Variants in VTI1A observed in about 807,000 individuals in gnomAD.
VTI1A encodes the protein vesicle transport through interaction with t-SNAREs homolog 1A.
VTI1A carries 22 observed loss-of-function variants against 34.9 expected under a neutral mutation model. That is an observed-to-expected ratio of 0.63 (90% confidence interval 0.45 to 0.90). The LOEUF is 0.90. VTI1A is among the 40% of genes least tolerant of loss of function. VTI1A has a pLI of 0.00. For synonymous variants in VTI1A, 87 were observed against 97.3 expected (o/e 0.89, Z 0.62); for missense variants, 268 against 275.6 (o/e 0.97, Z 0.20).
intron 7 of VTI1A, among the ~76,000 whole-genome samples, chr10:112,775,840 A>AAT (rs1220742224): frequency 6.6e-6 from 1 of 152,212 alleles, no homozygotes; most frequent in Non-Finnish European, 1.5e-5. Context: ...GGGTTTTAAA[A>AAT]ATATATCACC....
intron 5 of VTI1A, among the ~76,000 whole-genome samples, chr10:112,608,630 C>T (rs1049519243): frequency 4.6e-5 from 7 of 152,002 alleles, no homozygotes; most frequent in Admixed American, 3.3e-4. Context: ...TTTTTATATT[C>T]GGAAAGATAA....
intron 3 of VTI1A, among the ~76,000 whole-genome samples, chr10:112,486,910 T>A (rs1330226073): frequency 6.6e-6 from 1 of 152,000 alleles, no homozygotes; most frequent in African/African-American, 2.4e-5. Context: ...GATTTTTGAT[T>A]TTGCCACATT....
intron 5 of VTI1A, among the ~76,000 whole-genome samples, chr10:112,592,844 C>T (rs779824497): frequency 5.9e-5 from 9 of 152,162 alleles, no homozygotes; most frequent in African/African-American, 1.7e-4. Flanking sequence ...AGGTGTTAAC[C>T]GAGTGAATCC....
intron 5 of VTI1A, among the ~76,000 whole-genome samples, chr10:112,594,280 C>T (rs1166240947): frequency 6.6e-6 from 1 of 152,096 alleles, no homozygotes; most frequent in Non-Finnish European, 1.5e-5. Flanking sequence ...GAGCTCATAA[C>T]CCCGGAAGTT....
chr10:112,550,916 T>G (rs558471308), intron 5 of VTI1A, among the ~76,000 whole-genome samples: 1 of 152,252 alleles, frequency 6.6e-6, no homozygotes, highest in Non-Finnish European at 1.5e-5. Flanking sequence ...AAGGTCCTGG[T>G]CTACATGAAA....
intron 4 of VTI1A, among the ~76,000 whole-genome samples, chr10:112,534,380 A>G (rs981278008): frequency 1.3e-5 from 2 of 152,122 alleles, no homozygotes; most frequent in Admixed American, 6.5e-5. Context: ...TTATTTTTCT[A>G]TTAAGACATA....
intron 7 of VTI1A, among the ~76,000 whole-genome samples, chr10:112,697,902 G>GTGTGTA (rs1564888733): frequency 1.4e-5 from 2 of 147,948 alleles, no homozygotes; most frequent in Non-Finnish European, 1.5e-5. Flanking sequence ...GTGTGTGTGT[G>GTGTGTA]TGTGTATTCT....
chr10:112,654,068 G>A (rs1847136068), intron 5 of VTI1A, among the ~76,000 whole-genome samples: 1 of 152,104 alleles, frequency 6.6e-6, no homozygotes, highest in African/African-American at 2.4e-5. Flanking sequence ...AGAAACTCCC[G>A]ATGTCATAGT....
At chr10:112,591,307 T>C (rs1206921261) in intron 5 of VTI1A, among the ~76,000 whole-genome samples, 1 of 152,082 alleles carries the variant, frequency 6.6e-6, no homozygotes, top group Non-Finnish European at 1.5e-5. Flanking sequence ...GATCATGAGG[T>C]CAGGAGATCA....
chr10:112,727,733 C>G (rs1365111521), intron 7 of VTI1A, among the ~76,000 whole-genome samples: 1 of 152,000 alleles, frequency 6.6e-6, no homozygotes, highest in Non-Finnish European at 1.5e-5. Context: ...ATATAATTTA[C>G]TTAATTGACA....
chr10:112,793,412 G>A (rs774955768), intron 7 of VTI1A, among the ~76,000 whole-genome samples: 10 of 152,132 alleles, frequency 6.6e-5, no homozygotes, highest in Non-Finnish European at 7.3e-5. Context: ...GTAAATTCCC[G>A]TTCTCCTGCA....
rs1853510832 is a variant in VTI1A, at chr10:112,815,991, T to C, written c.*608T>C. 3 of 226,584 alleles carry C rather than the reference T, an allele frequency of 1.3e-5. No homozygotes were observed. The highest frequency in any genetic ancestry group is 2.6e-5 in the Non-Finnish European group (3 of 113,974). The allele number at this position is 226,584 out of a possible 1,614,324, so 14.0% of individuals were successfully genotyped here. On this transcript the variant is annotated 3_prime_UTR_variant, in exon 8 of 8. Coordinates refer to ENST00000393077, the MANE Select transcript of VTI1A (RefSeq NM_145206.4). The stretch of plus-strand genomic sequence containing the variant: ...CCTGTTTTTCTATTGCATAATTTTT[T>C]TTTTAACCCAAAGATATTTTTTTTG...
chr10:112,665,462 T>A (rs186287858), intron 5 of VTI1A, among the ~76,000 whole-genome samples: 12 of 152,330 alleles, frequency 7.9e-5, no homozygotes, highest in African/African-American at 2.6e-4. Flanking sequence ...TTTCCAACAG[T>A]GCATGACATT....
intron 7 of VTI1A, among the ~76,000 whole-genome samples, chr10:112,739,065 G>A (rs1203873314): frequency 2.6e-5 from 4 of 152,114 alleles, no homozygotes; most frequent in African/African-American, 9.7e-5. Context: ...GCTGCACTCT[G>A]GTTGCATTTC....
chr10:112,602,039 T>G (rs1049665535), intron 5 of VTI1A, among the ~76,000 whole-genome samples: 1 of 152,134 alleles, frequency 6.6e-6, no homozygotes, highest in Admixed American at 6.5e-5. Flanking sequence ...TGAGAAGAAC[T>G]GAAACATGCA....
chr10:112,552,775 G>C (rs1382806255), intron 5 of VTI1A, among the ~76,000 whole-genome samples: 1 of 152,024 alleles, frequency 6.6e-6, no homozygotes, highest in Non-Finnish European at 1.5e-5. Context: ...TCCTACTTGG[G>C]CTTCCTGTAG....
chr10:112,515,931 G>T (rs1330956211), intron 3 of VTI1A, among the ~76,000 whole-genome samples: 1 of 152,074 alleles, frequency 6.6e-6, no homozygotes, highest in Non-Finnish European at 1.5e-5. Context: ...TTGAAATGCA[G>T]CAATTTGTTC....
At chr10:112,635,027 G>T (rs1423360971) in intron 5 of VTI1A, among the ~76,000 whole-genome samples, 1 of 152,172 alleles carries the variant, frequency 6.6e-6, no homozygotes, top group East Asian at 1.9e-4. Context: ...AATTCTAGGA[G>T]TCTCCTACGG....
the VTI1A span, among the ~76,000 whole-genome samples, chr10:112,840,402 C>A: frequency 1.3e-5 from 2 of 152,202 alleles, no homozygotes; most frequent in Admixed American, 6.5e-5. Context: ...AGGCTTCCCA[C>A]TCCTCTGCCT....
Sources: allele counts gnomAD v4.1 joint callset (sites outside exome capture counted in the v4.1 genomes callset), GRCh38; gene constraint gnomAD v4.1.1; transcripts MANE v1.5; gene names NCBI Gene and HGNC (gene_info 2026-07-23, HGNC 2026-07-21).